Variants in PALMD observed in about 807,000 individuals in gnomAD.
PALMD encodes the protein paralemmin-like protein.
Under a neutral mutation model 56.2 loss-of-function variants are expected in PALMD, and 42 were observed. The ratio of observed to expected loss-of-function variants is 0.75; its 90% CI spans 0.58 to 0.97. The LOEUF is 0.97. PALMD is among the 50% of genes least tolerant of loss of function. The pLI, the probability that PALMD is intolerant of heterozygous loss-of-function variation, is 0.00. For synonymous variants in PALMD, 242 were observed against 222.9 expected, an observed-to-expected ratio of 1.09 and a Z score of -0.76; for missense variants, 660 against 643.8, an observed-to-expected ratio of 1.03 and a Z score of -0.27.
chr1:99,655,061 A>G (rs1056125452), intron 1 of PALMD, among the ~76,000 whole-genome samples: 2 of 152,222 alleles, frequency 1.3e-5, no homozygotes, highest in Non-Finnish European at 2.9e-5. Flanking sequence ...TAGAGAAACT[A>G]TACAGATAAC....
intron 7 of PALMD, 32 bp from the exon 8 acceptor site, chr1:99,693,987 T>A (rs778521331): frequency 6.6e-6 from 10 of 1,526,102 alleles, no homozygotes; most frequent in Middle Eastern, 1.8e-4. Context: ...GGATTTTTTT[T>A]ATAACTCTCT....
At chr1:99,671,172 C>G (rs1160155848) in intron 3 of PALMD, among the ~76,000 whole-genome samples, 1 of 152,180 alleles carries the variant, frequency 6.6e-6, no homozygotes, top group African/African-American at 2.4e-5. Context: ...TGCCAGGCCC[C>G]CTCAGCTAGA....
intron 3 of PALMD, among the ~76,000 whole-genome samples, chr1:99,674,410 A>C (rs537215319): frequency 4.1e-4 from 62 of 152,300 alleles, no homozygotes; most frequent in African/African-American, 8.7e-4. Flanking sequence ...CATTTTGTAC[A>C]TAAGGACACT....
chr1:99,657,699 C>T (rs1470652053), intron 1 of PALMD, among the ~76,000 whole-genome samples: 3 of 152,172 alleles, frequency 2.0e-5, no homozygotes, highest in African/African-American at 4.8e-5. Flanking sequence ...GTATTAGCTA[C>T]TGAAAATCTA....
At chr1:99,654,327 TATA>T (rs1652664056) in intron 1 of PALMD, among the ~76,000 whole-genome samples, 1 of 151,978 alleles carries the variant, frequency 6.6e-6, no homozygotes, top group Non-Finnish European at 1.5e-5. Flanking sequence ...CCTTAATAGC[TATA>T]ATATTAAATT....
intron 1 of PALMD, among the ~76,000 whole-genome samples, chr1:99,652,709 A>G (rs572509187): frequency 4.4e-3 from 419 of 94,438 alleles, no homozygotes; most frequent in South Asian, 0.024. Flanking sequence ...AGAAAAGAAA[A>G]GAAAAGAAAA....
At chr1:99,651,102 C>T (rs1652574775) in intron 1 of PALMD, among the ~76,000 whole-genome samples, 1 of 152,136 alleles carries the variant, frequency 6.6e-6, no homozygotes. Flanking sequence ...ATGTAGCAGT[C>T]TTCTAAATAA....
At chr1:99,648,616 C>T (rs566640318) in intron 1 of PALMD, among the ~76,000 whole-genome samples, 3 of 151,900 alleles carry the variant, frequency 2.0e-5, no homozygotes, top group Admixed American at 2.0e-4. Context: ...AAGGCAATTC[C>T]CCAATGCACC....
At chr1:99,654,355 T>G (rs890077910) in intron 1 of PALMD, among the ~76,000 whole-genome samples, 1 of 152,042 alleles carries the variant, frequency 6.6e-6, no homozygotes, top group Non-Finnish European at 1.5e-5. Context: ...GCTATTATGT[T>G]AAAATTTAAA....
intron 3 of PALMD, among the ~76,000 whole-genome samples, chr1:99,672,622 C>T (rs1653110747): frequency 6.6e-6 from 1 of 152,176 alleles, no homozygotes; most frequent in African/African-American, 2.4e-5. Context: ...AGCTGCCCTG[C>T]AGTTGTCCAT....
chr1:99,665,034 T>C (rs1326177029), intron 2 of PALMD, among the ~76,000 whole-genome samples: 3 of 152,154 alleles, frequency 2.0e-5, no homozygotes, highest in Non-Finnish European at 2.9e-5. Flanking sequence ...ACAGAGATTT[T>C]TTTTCTGTAT....
chr1:99,647,453 A>G lies in PALMD; in HGVS notation c.45+1091A>G, dbSNP rs1652465889. Among the ~76,000 whole-genome samples the G allele has an allele frequency of 1.3e-5, 2 of 152,240 alleles. 1 individual carries two copies. Among genetic ancestry groups the G allele is most frequent in the South Asian group, 4.1e-4 (2 of 4,836 alleles). On this transcript the variant is annotated intron_variant, in intron 1 of 7. Coordinates refer to ENST00000263174, the MANE Select transcript of PALMD (RefSeq NM_017734.5). ...ATTCAGTAAATTGAAATGTCTTCTT[A>G]GCCAATAGTAAGACACCAGAAGTCT...
intron 3 of PALMD, chr1:99,668,229 A>T (rs932595272): frequency 1.9e-5 from 3 of 153,882 alleles, no homozygotes; most frequent in African/African-American, 7.2e-5. Flanking sequence ...TCAGCCTTCC[A>T]TATGAATTTC....
chr1:99,686,928 A>T lies in PALMD; in HGVS notation c.367-2A>T. On this transcript the variant is annotated splice_acceptor_variant, in intron 4 of 7. Coordinates refer to ENST00000263174, the MANE Select transcript of PALMD (RefSeq NM_017734.5). LOFTEE classifies it high-confidence loss of function. ...ATCATGGAGAATTCTTTTTTCTTAC[A>T]GTCTGTGAAAGTGGAAAGAGAAGAA... The T allele has an allele frequency of 6.4e-7, 1 of 1,567,352 alleles. No homozygotes were observed. Among genetic ancestry groups the T allele is most frequent in the Non-Finnish European group, 8.7e-7 (1 of 1,143,400 alleles).
At chr1:99,688,651 T>C (rs2100876206) in intron 6 of PALMD, 124 bp from the exon 7 acceptor site, 1 of 631,342 alleles carries the variant, frequency 1.6e-6, no homozygotes, top group Non-Finnish European at 2.7e-6. Flanking sequence ...ATTTAAAAAA[T>C]AGACAACATC....
intron 6 of PALMD, 49 bp downstream of exon 6, chr1:99,687,238 A>G: frequency 6.5e-7 from 1 of 1,544,918 alleles, no homozygotes; most frequent in Non-Finnish European, 8.7e-7. Flanking sequence ...TTCAGATTTT[A>G]CAGTGTCAAA....
intron 6 of PALMD, 89 bp from the exon 7 acceptor site, chr1:99,688,686 T>C: frequency 1.2e-6 from 1 of 813,844 alleles, no homozygotes; most frequent in Non-Finnish European, 2.0e-6. Flanking sequence ...ATGAAGGGTC[T>C]ACTTAATATA....
At chr1:99,665,476 T>A (rs1052470420) in intron 2 of PALMD, among the ~76,000 whole-genome samples, 1 of 152,102 alleles carries the variant, frequency 6.6e-6, no homozygotes, top group Non-Finnish European at 1.5e-5. Flanking sequence ...GTTCAAAGAG[T>A]TCTCCACGAG....
At chr1:99,655,638 CT>C (rs1652706405) in intron 1 of PALMD, among the ~76,000 whole-genome samples, 1 of 152,164 alleles carries the variant, frequency 6.6e-6, no homozygotes, top group Admixed American at 6.5e-5. Flanking sequence ...AAAGAGGTTA[CT>C]TAACAATATT....
Sources: allele counts gnomAD v4.1 joint callset (sites outside exome capture counted in the v4.1 genomes callset), GRCh38; gene constraint gnomAD v4.1.1; transcripts MANE v1.5; gene names NCBI Gene and HGNC (gene_info 2026-07-23, HGNC 2026-07-21).